GAS7: variants seen among roughly 807,000 people sequenced by gnomAD.
The protein encoded by GAS7 is growth arrest-specific protein 7.
GAS7 carries 28 observed loss-of-function variants against 71.1 expected under a neutral mutation model. That is an observed-to-expected ratio of 0.39 (90% CI 0.29 to 0.54). The LOEUF (loss-of-function observed/expected upper bound fraction) is 0.54, where lower values mean the gene tolerates loss of function less well. Among genes scored for constraint, GAS7 ranks in the 20% least tolerant of loss-of-function variants. The probability of loss-of-function intolerance (pLI) is 0.62; values close to 1 mark genes in which losing one functional copy is unlikely to be tolerated. For missense variants in GAS7, 436 were observed against 627.8 expected (o/e 0.69, Z 3.27); for synonymous variants, 258 against 245.8 (o/e 1.05, Z -0.46).
chr17:10,186,626 G>C (rs1191704145), intron 1 of GAS7, among the ~76,000 whole-genome samples: 2 of 151,930 alleles, frequency 1.3e-5, no homozygotes, highest in South Asian at 2.1e-4. Flanking sequence ...GGCTGGTCTC[G>C]AACTACTGAC....
chr17:10,059,585 A>C, intron 1 of GAS7: 2 of 488,266 alleles, frequency 4.1e-6, no homozygotes, highest in Non-Finnish European at 5.3e-6. Flanking sequence ...CATCCAAGGA[A>C]GATTTCTCCT....
intron 1 of GAS7, among the ~76,000 whole-genome samples, chr17:10,113,941 G>A (rs953300467): frequency 6.6e-6 from 1 of 152,086 alleles, no homozygotes; most frequent in African/African-American, 2.4e-5. Flanking sequence ...TCAAGATAGG[G>A]TCTTGCTATC....
chr17:10,158,293 G>GT (rs909496614), intron 1 of GAS7, among the ~76,000 whole-genome samples: 1 of 148,832 alleles, frequency 6.7e-6, no homozygotes, highest in Non-Finnish European at 1.5e-5. Flanking sequence ...GATTACAGGC[G>GT]TGAGCCACCG....
chr17:9,971,364 G>T (rs191866945), intron 3 of GAS7, among the ~76,000 whole-genome samples: 2 of 152,240 alleles, frequency 1.3e-5, no homozygotes, highest in East Asian at 3.9e-4. Context: ...TTTAAGATCA[G>T]CCCGGACAAC....
chr17:10,145,622 G>A (rs2074115540), intron 1 of GAS7, among the ~76,000 whole-genome samples: 1 of 152,170 alleles, frequency 6.6e-6, no homozygotes, highest in South Asian at 2.1e-4. Context: ...ATCCTGGCAT[G>A]GGTTCAGGGG....
At chr17:10,046,396 A>G (rs75443048) in intron 1 of GAS7, among the ~76,000 whole-genome samples, 5 of 119,416 alleles carry the variant, frequency 4.2e-5, no homozygotes, top group East Asian at 2.5e-4. Flanking sequence ...GAATCGGAGG[A>G]AAAAAAAAAA....
intron 2 of GAS7, among the ~76,000 whole-genome samples, chr17:10,010,447 C>G (rs749985392): frequency 1.2e-4 from 18 of 152,266 alleles, no homozygotes; most frequent in Non-Finnish European, 7.4e-5. Flanking sequence ...CCACCGCGCC[C>G]AGCCTGATTC....
At chr17:10,061,965 A>C (rs1449826507) in intron 1 of GAS7, among the ~76,000 whole-genome samples, 1 of 152,134 alleles carries the variant, frequency 6.6e-6, no homozygotes, top group Non-Finnish European at 1.5e-5. Flanking sequence ...ACACTCAACA[A>C]TGCACAGGAC....
At chr17:9,920,559 T>C (rs1219093235) in intron 11 of GAS7, among the ~76,000 whole-genome samples, 2 of 152,248 alleles carry the variant, frequency 1.3e-5, no homozygotes, top group African/African-American at 4.8e-5. Context: ...TGTGGGCCAG[T>C]GGCACTTGTA....
At chr17:9,994,167 T>C (rs1268187901) in intron 2 of GAS7, among the ~76,000 whole-genome samples, 2 of 146,720 alleles carry the variant, frequency 1.4e-5, no homozygotes, top group East Asian at 2.0e-4. Flanking sequence ...CTTCACAGAA[T>C]TGGAAAAAAC....
At chr17:10,077,509 A>C (rs1359737208) in intron 1 of GAS7, among the ~76,000 whole-genome samples, 1 of 152,238 alleles carries the variant, frequency 6.6e-6, no homozygotes, top group Non-Finnish European at 1.5e-5. Context: ...AGAAAGGCCC[A>C]GGAAGGCTCA....
At chr17:10,180,921 C>T (rs951930708) in intron 1 of GAS7, among the ~76,000 whole-genome samples, 11 of 151,464 alleles carry the variant, frequency 7.3e-5, no homozygotes, top group Non-Finnish European at 1.2e-4. Context: ...TGTACAAGGA[C>T]GCTAAAGGCT....
chr17:10,093,449 G>T (rs1052512720), intron 1 of GAS7, among the ~76,000 whole-genome samples: 3 of 148,872 alleles, frequency 2.0e-5, no homozygotes, highest in African/African-American at 7.4e-5. Flanking sequence ...ACACGCCTGA[G>T]TCCCAGCTAC....
At position 9,969,839 on chromosome 17, in the gene GAS7, C is replaced by T. The variant is rs2069885797; in HGVS notation, c.386-77G>A. ...CCCCGCCTTTCGTCCACTGCAGCCC[C>T]TTTTCCCACCTCCTTCCTTGGCTCT... is the stretch of plus-strand genomic sequence containing the variant. On this transcript the variant is annotated intron_variant, in intron 3 of 13. Transcript: ENST00000432992. The surrounding 1 kb of genome is among the most constrained non-coding windows in gnomAD (Gnocchi z 5.5). 4.5e-6 allele frequency: 4 copies of T among 883,396 alleles called. No individual in the cohort carries two copies. In the East Asian group the frequency reaches 9.7e-5, roughly 21 times the overall value. 54.7% of individuals were successfully genotyped at this position (883,396 alleles called of 1,614,324 possible).
rs187271609 is a variant in GAS7, at chr17:10,181,602, C to T, written c.183+16606G>A. ...GCTAAAATGCAGCTCAGGAGATAGA[C>T]AGGGGTTGGGTCATGAAGGGCTTGT... On this transcript the variant is annotated intron_variant, in intron 1 of 13. Transcript: ENST00000432992. 4.6e-5 allele frequency among the ~76,000 whole-genome samples: 7 copies of T among 152,074 alleles called. No individual in the cohort carries two copies. In the East Asian group the frequency reaches 1.4e-3, roughly 29 times the overall value.
At chr17:9,920,497 A>T (rs919993682) in intron 11 of GAS7, among the ~76,000 whole-genome samples, 20 of 152,256 alleles carry the variant, frequency 1.3e-4, no homozygotes, top group African/African-American at 4.6e-4. Flanking sequence ...AGTAATTGCA[A>T]ACATTACTAA....
chr17:10,113,685 A>C (rs1162407912), intron 1 of GAS7, among the ~76,000 whole-genome samples: 2 of 152,124 alleles, frequency 1.3e-5, no homozygotes, highest in Non-Finnish European at 2.9e-5. Context: ...AAAATGAAAC[A>C]TATTTGGAAA....
intron 1 of GAS7, among the ~76,000 whole-genome samples, chr17:10,192,588 C>T (rs1471126816): frequency 6.6e-6 from 1 of 152,190 alleles, no homozygotes; most frequent in African/African-American, 2.4e-5. Context: ...CAGGGATCCA[C>T]AGAGCGGTGA....
At chr17:10,004,774 G>C (rs1324706895) in intron 2 of GAS7, among the ~76,000 whole-genome samples, 1 of 152,164 alleles carries the variant, frequency 6.6e-6, no homozygotes, top group South Asian at 2.1e-4. Context: ...CATTTTGGGA[G>C]GCCAAGGAGG....
Sources: gnomAD v4.1 joint callset for allele counts (sites outside exome capture counted in the v4.1 genomes callset) on GRCh38, gnomAD v4.1.1 for gene constraint, Gnocchi (gnomAD v3.1) non-coding constraint, MANE v1.5 for transcripts, NCBI Gene and HGNC (gene_info 2026-07-23, HGNC 2026-07-21) for gene names.